The following COG1 variants were observed in gnomAD, a reference collection of about 807,000 sequenced individuals.
The protein encoded by COG1 is component of oligomeric golgi complex 1, also known as conserved oligomeric Golgi complex subunit 1.
COG1 carries 61 observed loss-of-function variants against 102.2 expected under a neutral mutation model. The ratio of observed to expected loss-of-function variants is 0.60; its 90% CI spans 0.49 to 0.74. The LOEUF is 0.74. COG1 is among the 30% of genes least tolerant of loss of function. COG1 has a pLI of 0.00. For missense variants in COG1, 1,164 were observed against 1,232.1 expected, an observed-to-expected ratio of 0.94 and a Z score of 0.83; for synonymous variants, 454 against 493.6, an observed-to-expected ratio of 0.92 and a Z score of 1.06.
chr17:73,207,804 A>G, intron 13 of COG1: 3 of 1,285,366 alleles, frequency 2.3e-6, no homozygotes, highest in Non-Finnish European at 2.0e-6. Context: ...TTCTTACAGC[A>G]TCGAGTTGTT....
intron 7 of COG1, 91 bp from the exon 8 acceptor site, chr17:73,202,909 T>C: frequency 7.2e-7 from 1 of 1,387,376 alleles, no homozygotes. Context: ...CTTCAGCAGC[T>C]TGAGCTGTTC....
At chr17:73,203,407 A>G (rs1468823734) in intron 8 of COG1, 5 of 705,848 alleles carry the variant, frequency 7.1e-6, no homozygotes, top group Non-Finnish European at 1.2e-5. Flanking sequence ...AGCAGCATAA[A>G]ACACAGGCAC....
intron 7 of COG1, among the ~76,000 whole-genome samples, chr17:73,202,659 A>C (rs1259159734): frequency 6.6e-6 from 1 of 151,726 alleles, no homozygotes; most frequent in Non-Finnish European, 1.5e-5. Context: ...GTGATGGTGC[A>C]CGCCTGTAGT....
In COG1 at chr17:73,193,404, C is replaced by T. The variant is rs948833862; in HGVS notation, c.315+20C>T. On this transcript the variant is annotated intron_variant, in intron 1 of 13. Coordinates refer to ENST00000299886, the MANE Select transcript of COG1 (RefSeq NM_018714.3). The stretch of plus-strand genomic sequence containing the variant: ...CAGCAGGTCAGTCCCCGTGCCCCCA[C>T]CCTGCGACCCGCAGGCGGGTCCCGG... 7.1e-7 allele frequency: 1 copy of T among 1,400,254 alleles called. No individual in the cohort carries two copies. The highest frequency in any genetic ancestry group is 1.6e-5 in the South Asian group (1 of 62,744). 86.7% of individuals were successfully genotyped at this position (1,400,254 alleles called of 1,614,324 possible).
rs1334029288 is a variant in COG1, at chr17:73,193,319, G to A, written c.250G>A (p.Asp84Asn). The A allele has an allele frequency of 1.3e-6, 2 of 1,565,588 alleles. No homozygotes were observed. Among genetic ancestry groups the A allele is most frequent in the African/African-American group, 1.4e-5 (1 of 73,714 alleles). Residue 84 changes from aspartate to asparagine, a missense_variant, in exon 1 of 14, where the codon GAC (aspartate) becomes AAC (asparagine). Asp to Asn is a conservative substitution (Grantham distance 23). Transcript: ENST00000299886. ...VGLVDAVKAT[D>N]QYCARLRQAG... is the part of the protein sequence containing the mutation. ...GCTAGTGGACGCCGTGAAGGCCACC[G>A]ACCAGTACTGCGCCCGCCTCCGCCA...
chr17:73,205,263 CTTCTCCTTCAGGCAAGGAGCCTTTTT>C (rs970746640), intron 9 of COG1: 2 of 413,180 alleles, frequency 4.8e-6, no homozygotes, highest in African/African-American at 4.1e-5. Context: ...CCTCAAAACA[CTTCTCCTTCAGGCAAGGAGCCTTTTT>C]TTCCCCTTTA....
At chr17:73,197,168 C>T (rs534450842) in intron 3 of COG1, 58 bp from the exon 4 acceptor site, 3 of 1,612,902 alleles carry the variant, frequency 1.9e-6, no homozygotes, top group Admixed American at 3.3e-5. Flanking sequence ...CCAGAGCGTC[C>T]TCTGTCTTTC....
At chr17:73,202,617 CT>C (rs1032005530) in intron 7 of COG1, among the ~76,000 whole-genome samples, 5 of 152,068 alleles carry the variant, frequency 3.3e-5, no homozygotes, top group African/African-American at 4.8e-5. Context: ...ATGAAACCCC[CT>C]ATCTACAAAA....
chr17:73,198,028 C>T (rs181464071), intron 4 of COG1, among the ~76,000 whole-genome samples: 294 of 150,388 alleles, frequency 2.0e-3, no homozygotes, highest in African/African-American at 3.4e-3. Flanking sequence ...TAGCATTTAT[C>T]GCAACTGAAA....
In COG1 at chr17:73,203,033, C is replaced by G. The variant is rs879000336; in HGVS notation, c.2107C>G (p.Leu703Val). ...LIHGFTQSLLLDDAGSVLATA... is the reference protein window; with the variant it reads ...LIHGFTQSLLVDDAGSVLATA... ...TCATGGATTCACCCAGTCATTACTT[C>G]TAGATGATGCTGGCTCAGTTCTGGC... Residue 703 changes from leucine to valine, a missense_variant, in exon 8 of 14, where the codon CTA becomes GTA. Physicochemically the swap from Leu to Val is conservative, Grantham distance 32 (BLOSUM62 1). Coordinates refer to ENST00000299886, the MANE Select transcript of COG1 (RefSeq NM_018714.3). The G allele has an allele frequency of 1.2e-6, 2 of 1,614,124 alleles. No individual in the cohort carries two copies. The highest frequency in any genetic ancestry group is 1.3e-5 in the African/African-American group (1 of 75,030).
Position 73,199,868 on chromosome 17 carries a change from A to G in COG1, c.917A>G (p.Lys306Arg), listed in dbSNP as rs763206860. ...ETITGQHPAG[K>R]GTGVLQEEMK... Reference sequence around the variant, plus strand: ...TCTCACTTGGCCTTCTCTTTAGGAAAGGGCACTGGTGTCCTGCAGGAAGAG... The same window carrying G: ...TCTCACTTGGCCTTCTCTTTAGGAAGGGGCACTGGTGTCCTGCAGGAAGAG... The change falls in exon 5 of 14, where the codon AAG (lysine) becomes AGG (arginine). Residue 306 changes from lysine to arginine, a missense_variant. By Grantham distance (26) the Lys-to-Arg change is conservative. Coordinates refer to ENST00000299886, the MANE Select transcript of COG1 (RefSeq NM_018714.3). 6 of 1,614,184 alleles carry G rather than the reference A, an allele frequency of 3.7e-6. No individual in the cohort carries two copies. In the South Asian group the frequency reaches 5.5e-5, roughly 15 times the overall value.
intron 1 of COG1, among the ~76,000 whole-genome samples, chr17:73,195,217 C>T (rs1267020262): frequency 3.3e-5 from 5 of 152,190 alleles, no homozygotes; most frequent in Admixed American, 1.3e-4. Flanking sequence ...GTGTCTTCTT[C>T]GTTCACATTA....
chr17:73,199,967 C>G lies in COG1; in HGVS notation c.1016C>G (p.Ala339Gly). ...VEFQPTLRTL[A>G]HPISQEYLKD... ...TTCCAGCCAACACTCCGAACCCTTG[C>G]ACATCCCATCAGTCAGGAATACCTG... The change falls in exon 5 of 14, where the codon GCA (alanine) becomes GGA (glycine). Residue 339 changes from alanine to glycine, a missense_variant. Physicochemically the swap from Ala to Gly is moderately conservative, Grantham distance 60 (BLOSUM62 0). Transcript: ENST00000299886. The G allele has an allele frequency of 6.2e-7, 1 of 1,614,100 alleles. No homozygotes were observed. Among genetic ancestry groups the G allele is most frequent in the Non-Finnish European group, 8.5e-7 (1 of 1,180,006 alleles).
chr17:73,193,373 C>G lies in COG1; in HGVS notation c.304C>G (p.Arg102Gly). ...QAGSAAPRPP[R>G]AQQPQQPSQE... ...CGGCTCGGCCGCGCCCCGGCCACCG[C>G]GGGCCCAGCAGGTCAGTCCCCGTGC... Residue 102 changes from arginine to glycine, a missense_variant, in exon 1 of 14, where the codon CGG (arginine) becomes GGG (glycine). By Grantham distance (125) the Arg-to-Gly change is moderately radical. Coordinates refer to ENST00000299886, the MANE Select transcript of COG1 (RefSeq NM_018714.3). The G allele has an allele frequency of 6.7e-7, 1 of 1,488,996 alleles. No individual in the cohort carries two copies. Among genetic ancestry groups the G allele is most frequent in the Non-Finnish European group, 8.9e-7 (1 of 1,124,566 alleles). 92.2% of individuals were successfully genotyped at this position (1,488,996 alleles called of 1,614,324 possible). A position where few individuals can be genotyped will look rare whatever the true frequency, so the allele number is the denominator to read the frequency against.
In COG1 at chr17:73,196,965, C is replaced by T. The variant is rs749597821; in HGVS notation, c.626C>T (p.Ala209Val). Residue 209 changes from alanine (A) to valine (V), a missense_variant, in exon 3 of 14, where the codon GCC becomes GTC. Ala to Val is a moderately conservative substitution (Grantham distance 64, BLOSUM62 0). Transcript: ENST00000299886. Reference protein sequence around the residue: ...KCQGVSDQAVAEALCSIMLLE... With the variant: ...KCQGVSDQAVVEALCSIMLLE... ...CAAGGTGTGTCTGACCAAGCTGTGGCCGAGGCCCTGTGCTCTATAATGCTC... is the reference window on the plus strand; with the variant it reads ...CAAGGTGTGTCTGACCAAGCTGTGGTCGAGGCCCTGTGCTCTATAATGCTC... The T allele has an allele frequency of 6.2e-7, 1 of 1,614,194 alleles. No individual in the cohort carries two copies. Among genetic ancestry groups the T allele is most frequent in the Admixed American group, 1.7e-5 (1 of 60,030 alleles).
At chr17:73,204,899 A>G (rs1431799942) in intron 9 of COG1, among the ~76,000 whole-genome samples, 2 of 152,126 alleles carry the variant, frequency 1.3e-5, no homozygotes, top group Admixed American at 1.3e-4. Flanking sequence ...GCGATGGCTG[A>G]CACCTGTAAT....
At chr17:73,195,269 T>C (rs1313664184) in intron 1 of COG1, among the ~76,000 whole-genome samples, 1 of 152,200 alleles carries the variant, frequency 6.6e-6, no homozygotes, top group African/African-American at 2.4e-5. Context: ...TGAAGGAGCT[T>C]ACAACCTGGT....
chr17:73,207,737 T>C, intron 13 of COG1: 2 of 1,291,736 alleles, frequency 1.5e-6, no homozygotes. Flanking sequence ...GGAATCCTCC[T>C]GGGTATTTCT....
At position 73,206,816 on chromosome 17, in the gene COG1, A is replaced by C. The variant is rs765331097; in HGVS notation, c.2728A>C (p.Arg910=). 2 of 1,611,674 alleles carry C rather than the reference A, an allele frequency of 1.2e-6. No individual in the cohort carries two copies. Among genetic ancestry groups the C allele is most frequent in the South Asian group, 1.1e-5 (1 of 91,032 alleles). The part of the protein sequence containing the change: ...NILPLASSQI[R]FGLLPLSMTS... ...CCTGCCACTGGCATCCAGTCAGATC[A>C]GGTAAAGGCTGCCAAGAGGCTTCTG... Residue 910 remains arginine (R), a splice_region_variant and synonymous_variant, in exon 12 of 14, where the codon AGG becomes CGG. Transcript: ENST00000299886.
Sources: allele counts gnomAD v4.1 joint callset (sites outside exome capture counted in the v4.1 genomes callset), GRCh38; gene constraint gnomAD v4.1.1; transcripts MANE v1.5; gene names NCBI Gene and HGNC (gene_info 2026-07-23, HGNC 2026-07-21).